LHFPL3: variants seen among roughly 807,000 people sequenced by gnomAD.
The protein encoded by LHFPL3 is LHFPL tetraspan subfamily member 3 protein.
Under a neutral mutation model 19.3 loss-of-function variants are expected in LHFPL3, and 5 were observed. That is an observed-to-expected ratio of 0.26 (90% CI 0.14 to 0.54). LHFPL3 has a LOEUF of 0.54. Ranked by LOEUF, LHFPL3 falls within the 20% of genes least tolerant of loss-of-function variation. The probability of loss-of-function intolerance (pLI) is 0.94; values close to 1 mark genes in which losing one functional copy is unlikely to be tolerated. For synonymous variants in LHFPL3, 133 were observed against 126.2 expected (o/e 1.05, Z -0.36); for missense variants, 249 against 307.4 (o/e 0.81, Z 1.42).
chr7:104,720,278 T>A (rs1199127651), intron 1 of LHFPL3, among the ~76,000 whole-genome samples: 3 of 152,020 alleles, frequency 2.0e-5, no homozygotes, highest in African/African-American at 7.2e-5. Context: ...CTGACAGAAA[T>A]GAGAAATGGG....
At chr7:104,564,557 G>A (rs1002575143) in intron 1 of LHFPL3, among the ~76,000 whole-genome samples, 2 of 152,180 alleles carry the variant, frequency 1.3e-5, no homozygotes, top group Non-Finnish European at 2.9e-5. Context: ...CTAAATAAAA[G>A]TTAAGTTTTT....
chr7:104,593,028 C>T (rs903651397), intron 1 of LHFPL3, among the ~76,000 whole-genome samples: 26 of 152,266 alleles, frequency 1.7e-4, no homozygotes, highest in African/African-American at 5.1e-4. Context: ...TTTTTTGTGT[C>T]TCTATTTCCT....
At chr7:104,400,467 C>T (rs1279272606) in intron 1 of LHFPL3, among the ~76,000 whole-genome samples, 1 of 152,080 alleles carries the variant, frequency 6.6e-6, no homozygotes, top group East Asian at 1.9e-4. Flanking sequence ...TAATGATAAG[C>T]CATTTTGTTT....
intron 2 of LHFPL3, among the ~76,000 whole-genome samples, chr7:104,828,870 A>C (rs924044764): frequency 1.3e-5 from 2 of 151,822 alleles, no homozygotes; most frequent in African/African-American, 4.9e-5. Context: ...CCCTGTCTCC[A>C]CTAAAAATAC....
intron 1 of LHFPL3, among the ~76,000 whole-genome samples, chr7:104,405,057 GTA>G (rs1330066227): frequency 9.9e-5 from 15 of 152,148 alleles, no homozygotes; most frequent in Admixed American, 9.2e-4. Flanking sequence ...TTTTTAAGAA[GTA>G]TTTGGATGAG....
chr7:104,794,026 TGGCAA>T (rs1397779173), intron 2 of LHFPL3, among the ~76,000 whole-genome samples: 1 of 152,236 alleles, frequency 6.6e-6, no homozygotes, highest in African/African-American at 2.4e-5. Flanking sequence ...AGCTGGGTGC[TGGCAA>T]GACAGATGTT....
intron 1 of LHFPL3, among the ~76,000 whole-genome samples, chr7:104,696,779 T>A (rs1209930817): frequency 6.6e-6 from 1 of 152,124 alleles, no homozygotes; most frequent in East Asian, 1.9e-4. Context: ...GACTGGAAAT[T>A]TTTTTGCGGA....
chr7:104,664,454 G>C (rs980189870), intron 1 of LHFPL3, among the ~76,000 whole-genome samples: 4 of 152,074 alleles, frequency 2.6e-5, no homozygotes, highest in African/African-American at 9.7e-5. Flanking sequence ...TAAAGTCCTG[G>C]TCAGGTACCT....
chr7:104,508,616 AAATATAT>A (rs1793747776), intron 1 of LHFPL3, among the ~76,000 whole-genome samples: 2 of 136,164 alleles, frequency 1.5e-5, no homozygotes, highest in Non-Finnish European at 3.4e-5. Flanking sequence ...TAATAAAAAA[AAATATAT>A]ATATATACAC....
chr7:104,545,747 C>T (rs1380583942), intron 1 of LHFPL3, among the ~76,000 whole-genome samples: 1 of 152,184 alleles, frequency 6.6e-6, no homozygotes, highest in Non-Finnish European at 1.5e-5. Context: ...TTCTACCATC[C>T]TTCAAAGGCT....
At chr7:104,660,149 G>T (rs191980791) in intron 1 of LHFPL3, among the ~76,000 whole-genome samples, 117 of 152,078 alleles carry the variant, frequency 7.7e-4, no homozygotes, top group African/African-American at 2.7e-3. Context: ...CTACAGGTGC[G>T]TGCCACCACA....
rs1047954931 is a variant in LHFPL3 at position 104,328,677 on chromosome 7, G to C, written c.-103G>C. On this transcript the variant is annotated 5_prime_UTR_variant, in exon 1 of 3. Transcript: ENST00000424859. This position sits in a 1 kb window ranked among gnomAD's most constrained non-coding sequence, Gnocchi z 4.6. ...GCTGCTGGGCTGAGGCGGAGGCAGG[G>C]GAGTTGCAGCGCGCGAGGCTCCGTG... is the stretch of plus-strand genomic sequence containing the variant. The C allele has an allele frequency of 1.6e-5, 16 of 980,076 alleles. No homozygotes were observed. The Admixed American group carries it at 2.8e-4, about 17-fold the overall frequency. The allele number at this position is 980,076 out of a possible 1,614,324, so 60.7% of individuals were successfully genotyped here.
chr7:104,539,309 T>C (rs1794443275), intron 1 of LHFPL3, among the ~76,000 whole-genome samples: 1 of 152,180 alleles, frequency 6.6e-6, no homozygotes. Context: ...TCAGCAAATA[T>C]TTACTTGTGT....
intron 1 of LHFPL3, among the ~76,000 whole-genome samples, chr7:104,701,353 C>T (rs1196958469): frequency 6.6e-6 from 1 of 152,166 alleles, no homozygotes; most frequent in Non-Finnish European, 1.5e-5. Flanking sequence ...ATACAACTTA[C>T]AACTCCCCCA....
In LHFPL3 at chr7:104,804,381, G is replaced by A. The variant is rs528905285; in HGVS notation, c.682+67470G>A. On this transcript the variant is annotated intron_variant, in intron 2 of 2. Coordinates refer to ENST00000424859, the MANE Select transcript of LHFPL3 (RefSeq NM_199000.3). ...TGGATAGCAACCAGAAAAAACAATGGATGTCTGCCATCACTTTCTTCCACG... is the reference window on the plus strand; with the variant it reads ...TGGATAGCAACCAGAAAAAACAATGAATGTCTGCCATCACTTTCTTCCACG... Among the ~76,000 whole-genome samples, 15 of 152,284 alleles carry A rather than the reference G, an allele frequency of 9.9e-5. No homozygotes were observed. The South Asian group carries it at 3.1e-3, about 32-fold the overall frequency.
intron 1 of LHFPL3, among the ~76,000 whole-genome samples, chr7:104,663,656 G>C (rs553264438): frequency 1.3e-5 from 2 of 152,296 alleles, no homozygotes; most frequent in East Asian, 3.9e-4. Context: ...AAACTTTTCA[G>C]GTTACCATAT....
chr7:104,365,102 C>G (rs1790458885), intron 1 of LHFPL3, among the ~76,000 whole-genome samples: 1 of 151,886 alleles, frequency 6.6e-6, no homozygotes, highest in Admixed American at 6.6e-5. Flanking sequence ...GATTTCGAGA[C>G]CAACCTGACC....
rs1562832850 is a variant in LHFPL3 at position 104,908,327 on chromosome 7, T to C, written c.*2112T>C. Among the ~76,000 whole-genome samples the C allele has an allele frequency of 1.3e-5, 2 of 152,260 alleles. No homozygotes were observed. The highest frequency in any genetic ancestry group is 1.9e-4 in the East Asian group (1 of 5,192). On this transcript the variant is annotated 3_prime_UTR_variant, in exon 3 of 3. Coordinates refer to ENST00000424859, the MANE Select transcript of LHFPL3 (RefSeq NM_199000.3). ...GGTCATTGACGATGTACCATTTGTA[T>C]ATAGGTAATACACATGTAAATCACT... is the stretch of plus-strand genomic sequence containing the variant.
At chr7:104,511,010 T>C (rs745921008) in intron 1 of LHFPL3, among the ~76,000 whole-genome samples, 1 of 152,234 alleles carries the variant, frequency 6.6e-6, no homozygotes, top group East Asian at 1.9e-4. Flanking sequence ...GACACAAGTT[T>C]ATCTTTATAA....
Sources: allele counts gnomAD v4.1 joint callset (sites outside exome capture counted in the v4.1 genomes callset), GRCh38; gene constraint gnomAD v4.1.1; non-coding constraint Gnocchi (gnomAD v3.1); transcripts MANE v1.5; gene names NCBI Gene and HGNC (gene_info 2026-07-23, HGNC 2026-07-21).